DSC2: variants seen among roughly 807,000 people sequenced by gnomAD.
DSC2 encodes the protein desmocollin-2.
A neutral mutation model predicts 87.6 loss-of-function variants in DSC2; 51 were observed. The observed-to-expected ratio is 0.58, with a 90% CI of 0.46 to 0.74. The LOEUF is 0.74. Ranked by LOEUF, DSC2 falls within the 30% of genes least tolerant of loss-of-function variation. The pLI is 0.00. For missense variants in DSC2, 1,066 were observed against 1,089.5 expected (o/e 0.98, Z 0.30); for synonymous variants, 383 against 393.2 (o/e 0.97, Z 0.31).
intron 1 of DSC2, chr18:31,101,487 CG>C: frequency 1.7e-5 from 2 of 117,586 alleles, no homozygotes; most frequent in Non-Finnish European, 3.0e-5. Context: ...CGCACGTTCC[CG>C]GGGAAGGTGC....
Position 31,058,865 on chromosome 18 carries a change from C to T in DSC2, c.*9150G>A, listed in dbSNP as rs1986447364. 1.3e-5 allele frequency: 2 copies of T among 151,958 alleles called. No homozygotes were observed. The highest frequency in any genetic ancestry group is 2.1e-4 in the South Asian group (1 of 4,822). The allele number at this position is 151,958 out of a possible 1,614,324, so 9.4% of individuals were successfully genotyped here. ...TTTTTTGTGGCACTTTTTAATAGTA[C>T]GTCTCCGTGAACATATTATATCACT... On this transcript the variant is annotated 3_prime_UTR_variant, in exon 16 of 16. Coordinates refer to ENST00000280904, the MANE Select transcript of DSC2 (RefSeq NM_024422.6).
chr18:31,087,001 C>T (rs543273230), intron 6 of DSC2, among the ~76,000 whole-genome samples: 1 of 152,158 alleles, frequency 6.6e-6, no homozygotes, highest in African/African-American at 2.4e-5. Context: ...TTGATACTAT[C>T]CCTCCATGTA....
intron 14 of DSC2, 123 bp from the exon 15 acceptor site, chr18:31,069,274 G>T: frequency 8.1e-7 from 1 of 1,240,944 alleles, no homozygotes; most frequent in Non-Finnish European, 1.1e-6. Context: ...CTCTCTGAGA[G>T]CAGGAACTAA....
intron 1 of DSC2, among the ~76,000 whole-genome samples, chr18:31,095,562 T>A (rs1987737115): frequency 6.6e-6 from 1 of 151,974 alleles, no homozygotes; most frequent in African/African-American, 2.4e-5. Flanking sequence ...TGGGCTAAGG[T>A]AATAATGTTG....
intron 12 of DSC2, among the ~76,000 whole-genome samples, chr18:31,072,486 C>T (rs1053499662): frequency 2.0e-5 from 3 of 152,144 alleles, no homozygotes; most frequent in Admixed American, 6.6e-5. Context: ...GAACCGAAAG[C>T]CCATACAGAT....
intron 7 of DSC2, among the ~76,000 whole-genome samples, 160 bp from the exon 8 acceptor site, chr18:31,083,220 TTTTTC>T (rs1299955898): frequency 6.6e-6 from 1 of 152,230 alleles, no homozygotes; most frequent in African/African-American, 2.4e-5. Context: ...TCACTAGTAA[TTTTTC>T]TTTTCTTTTC....
rs1351495592 is a variant in DSC2 at position 31,093,522 on chromosome 18, A to G, written c.154+37T>C. On this transcript the variant is annotated intron_variant, in intron 2 of 15. Transcript: ENST00000280904. ...TTCCATGGCGTATATGTACCACAGC[A>G]AAACAGGATTTATTACAAATTTTAG... 5.2e-6 allele frequency: 8 copies of G among 1,530,832 alleles called. No homozygotes were observed. The Admixed American group carries it at 1.2e-4, about 23-fold the overall frequency. 94.8% of individuals were successfully genotyped at this position (1,530,832 alleles called of 1,614,324 possible). A position where few individuals can be genotyped will look rare whatever the true frequency, so the allele number is the denominator to read the frequency against.
rs144242114 is a variant in DSC2 at position 31,080,266 on chromosome 18, T to G, written c.1350A>C (p.Arg450Ser). 7 of 1,613,972 alleles carry G rather than the reference T, an allele frequency of 4.3e-6. No homozygotes were observed. In the East Asian group the frequency reaches 1.3e-4, roughly 31 times the overall value. ...TAACTGTTGCTGTGCTCATGGCTGA[T>G]CTTGGACTAGCCTCTCTGGAAAATG... The part of the protein sequence containing the change: ...EAPFSREASP[R>S]SAMSTATVTV... Residue 450 changes from arginine (R) to serine (S), a missense_variant, in exon 10 of 16, where the codon AGA becomes AGC. Transcript: ENST00000280904.
intron 6 of DSC2, among the ~76,000 whole-genome samples, chr18:31,087,284 T>C (rs907902685): frequency 1.3e-5 from 2 of 152,224 alleles, no homozygotes; most frequent in African/African-American, 2.4e-5. Context: ...TACATATCTT[T>C]AAGACTACAT....
rs759922677 is a variant in DSC2 at position 31,087,715 on chromosome 18, A to AAAAATTGGGTAGTT, written c.715_728dup (p.Phe243LeufsTer43). 6.2e-7 allele frequency: 1 copy of AAAAATTGGGTAGTT among 1,613,590 alleles called. No homozygotes were observed. Among genetic ancestry groups the AAAAATTGGGTAGTT allele is most frequent in the Non-Finnish European group, 8.5e-7 (1 of 1,179,866 alleles). On this transcript the variant is annotated frameshift_variant, in exon 6 of 16. Transcript: ENST00000280904. LOFTEE classifies it high-confidence loss of function. ...TTGTAAAAGTATAAGTTTCTTCTGT[A>AAAAATTGGGTAGTT]AAAATTGGGTAGTTATCATTTTCAT...
At chr18:31,093,487 C>T in intron 2 of DSC2, 72 bp downstream of exon 2, 3 of 1,186,646 alleles carry the variant, frequency 2.5e-6, no homozygotes, top group Non-Finnish European at 3.7e-6. Context: ...CTTTTTATGG[C>T]TGTGTAGTAT....
rs1297222080 is a variant in DSC2 at position 31,059,967 on chromosome 18, G to A, written c.*8048C>T. 1 of 152,066 alleles carries A rather than the reference G, an allele frequency of 6.6e-6. No homozygotes were observed. The highest frequency in any genetic ancestry group is 1.5e-5 in the Non-Finnish European group (1 of 68,004). The allele number at this position is 152,066 out of a possible 1,614,324, so 9.4% of individuals were successfully genotyped here. A position where few individuals can be genotyped will look rare whatever the true frequency, so the allele number is the denominator to read the frequency against. On this transcript the variant is annotated 3_prime_UTR_variant, in exon 16 of 16. Transcript: ENST00000280904. ...TTCCTAATTTGTCCTTATTTGATATGCTAGAAATTTGAGGTTTCTGTGATT... is the reference window on the plus strand; with the variant it reads ...TTCCTAATTTGTCCTTATTTGATATACTAGAAATTTGAGGTTTCTGTGATT...
Position 31,064,077 on chromosome 18 carries a change from G to C in DSC2, c.*3938C>G, listed in dbSNP as rs1012215382. The C allele has an allele frequency of 4.6e-5, 7 of 152,336 alleles. No individual in the cohort carries two copies. The highest frequency in any genetic ancestry group is 1.3e-4 in the Admixed American group (2 of 15,270). 9.4% of individuals were successfully genotyped at this position (152,336 alleles called of 1,614,324 possible). ...ATTGATCAGGAATGAAGTGAAGAGT[G>C]GGAACAGCTGACATAGGGTACACCT... is the stretch of plus-strand genomic sequence containing the variant. On this transcript the variant is annotated 3_prime_UTR_variant, in exon 16 of 16. Coordinates refer to ENST00000280904, the MANE Select transcript of DSC2 (RefSeq NM_024422.6).
intron 12 of DSC2, among the ~76,000 whole-genome samples, chr18:31,073,168 A>G (rs1383148117): frequency 1.3e-5 from 2 of 152,198 alleles, no homozygotes; most frequent in African/African-American, 4.8e-5. Context: ...TCTTTAAAAT[A>G]ACAAAGATGT....
intron 11 of DSC2, among the ~76,000 whole-genome samples, chr18:31,077,051 T>C (rs1174705809): frequency 6.6e-6 from 1 of 152,048 alleles, no homozygotes; most frequent in Non-Finnish European, 1.5e-5. Context: ...GAGTTTAAAA[T>C]TCACATTCCA....
intron 14 of DSC2, among the ~76,000 whole-genome samples, chr18:31,070,221 A>C (rs1216498926): frequency 1.3e-5 from 2 of 152,128 alleles, no homozygotes; most frequent in Non-Finnish European, 2.9e-5. Context: ...TAGAAAGCAA[A>C]GTTGGAGAAA....
At chr18:31,091,458 T>C (rs1987596898) in intron 3 of DSC2, 4 of 502,538 alleles carry the variant, frequency 8.0e-6, no homozygotes, top group Admixed American at 6.8e-5. Context: ...TGCAAAAACA[T>C]GGGAGAGAGA....
At chr18:31,078,322 C>T (rs1230520206) in intron 11 of DSC2, among the ~76,000 whole-genome samples, 1 of 152,190 alleles carries the variant, frequency 6.6e-6, no homozygotes, top group East Asian at 1.9e-4. Flanking sequence ...ATGACTCCCA[C>T]CCTCTTCAAA....
chr18:31,070,794 T>A lies in DSC2; in HGVS notation c.2182A>T (p.Ile728Phe). ...TTCTGCTGGGCTAAATCATCAGGAA[T>A]TACTTTTGGTTGTTTAGACGTCCCA... Reference protein sequence around the residue: ...ASGTSKQPKVIPDDLAQQNLI... With the variant: ...ASGTSKQPKVFPDDLAQQNLI... Residue 728 changes from isoleucine (I) to phenylalanine (F), a missense_variant, in exon 14 of 16, where the codon ATT becomes TTT. Coordinates refer to ENST00000280904, the MANE Select transcript of DSC2 (RefSeq NM_024422.6). 6.2e-7 allele frequency: 1 copy of A among 1,613,990 alleles called. No individual in the cohort carries two copies.
Sources: gnomAD v4.1 joint callset for allele counts (sites outside exome capture counted in the v4.1 genomes callset) on GRCh38, gnomAD v4.1.1 for gene constraint, MANE v1.5 for transcripts, NCBI Gene and HGNC (gene_info 2026-07-23, HGNC 2026-07-21) for gene names.